FREM2: variants seen among roughly 807,000 people sequenced by gnomAD.
The protein encoded by FREM2 is FRAS1 related extracellular matrix 2, also known as FRAS1-related extracellular matrix protein 2.
FREM2 carries 119 observed loss-of-function variants against 219.9 expected under a neutral mutation model. The ratio of observed to expected loss-of-function variants is 0.54; its 90% CI spans 0.47 to 0.63. The LOEUF (loss-of-function observed/expected upper bound fraction) is 0.63, where lower values mean the gene tolerates loss of function less well. Among genes scored for constraint, FREM2 ranks in the 30% least tolerant of loss-of-function variants. The pLI is 0.00. For synonymous variants in FREM2, 1,562 were observed against 1,522.8 expected (o/e 1.03, Z -0.60); for missense variants, 4,030 against 3,993.6 (o/e 1.01, Z -0.25).
chr13:38,790,308 G>A (rs1056556694), intron 6 of FREM2, among the ~76,000 whole-genome samples: 4 of 152,136 alleles, frequency 2.6e-5, no homozygotes, highest in African/African-American at 9.6e-5. Flanking sequence ...TGTGTGGGCA[G>A]TCAAATGCAA....
intron 6 of FREM2, among the ~76,000 whole-genome samples, chr13:38,787,265 A>G (rs1874367580): frequency 6.6e-6 from 1 of 152,088 alleles, no homozygotes; most frequent in Non-Finnish European, 1.5e-5. Context: ...TTCTTCATTC[A>G]CTCAACCACT....
At chr13:38,789,496 A>AG (rs1442797550) in intron 6 of FREM2, among the ~76,000 whole-genome samples, 2 of 149,138 alleles carry the variant, frequency 1.3e-5, no homozygotes, top group African/African-American at 4.9e-5. Context: ...TTATCTTTCC[A>AG]GAAGTTTGTA....
intron 2 of FREM2, among the ~76,000 whole-genome samples, chr13:38,763,908 G>A (rs1018504227): frequency 2.0e-5 from 3 of 152,206 alleles, no homozygotes; most frequent in Non-Finnish European, 4.4e-5. Flanking sequence ...AGTTGTGTGT[G>A]TGTTTTTTAG....
At position 38,809,109 on chromosome 13, in the gene FREM2, C is replaced by T. The variant is rs375004693; in HGVS notation, c.6019+24301C>T. Among the ~76,000 whole-genome samples, 428 of 151,058 alleles carry T rather than the reference C, an allele frequency of 2.8e-3. 3 individuals are homozygous for T. The highest frequency in any genetic ancestry group is 0.013 in the South Asian group (63 of 4,784). On this transcript the variant is annotated intron_variant, in intron 6 of 23. Transcript: ENST00000280481. ...TAAAATTGTTATTTTTTTTCTTTGA[C>T]GGATTATCTTAAAAGCCTTGTCTTC...
chr13:38,877,847 A>G (rs912486898), intron 21 of FREM2, among the ~76,000 whole-genome samples: 3 of 152,204 alleles, frequency 2.0e-5, no homozygotes, highest in African/African-American at 7.2e-5. Flanking sequence ...GGATATTATT[A>G]ATGCCAAATT....
At position 38,848,599 on chromosome 13, in the gene FREM2, G is replaced by A. The variant is rs955145556; in HGVS notation, c.6308G>A (p.Arg2103His). The change falls in exon 8 of 24, where the codon CGC (arginine) becomes CAC (histidine). Residue 2103 changes from arginine to histidine, a missense_variant. This residue lies in a region of FREM2 where 3,102 missense variants were observed against 2,950.7 expected (regional missense o/e 1.05). Transcript: ENST00000280481. The stretch of plus-strand genomic sequence containing the variant: ...ATTGAGAAATTTGAACTGGTGCTTC[G>A]CATGCCTATGAACGCAGCCCTTGGC... ...EGIEKFELVL[R>H]MPMNAALGEP... is the part of the protein sequence containing the mutation. 17 of 1,614,002 alleles carry A rather than the reference G, an allele frequency of 1.1e-5. No homozygotes were observed. The highest frequency in any genetic ancestry group is 4.0e-5 in the African/African-American group (3 of 75,028).
intron 4 of FREM2, chr13:38,779,292 C>G (rs1196647114): frequency 6.6e-6 from 1 of 151,964 alleles, no homozygotes; most frequent in African/African-American, 2.4e-5. Flanking sequence ...GGCTTAAAAC[C>G]TAGATGACAG....
intron 6 of FREM2, among the ~76,000 whole-genome samples, chr13:38,840,247 G>A (rs142367725): frequency 0.01 from 1,561 of 151,926 alleles, 23 homozygotes; most frequent in African/African-American, 0.034. Context: ...GTGAGGCAAC[G>A]CCCCACCCTG....
chr13:38,698,725 C>T (rs1347575697), intron 2 of FREM2, among the ~76,000 whole-genome samples: 1 of 152,066 alleles, frequency 6.6e-6, no homozygotes, highest in African/African-American at 2.4e-5. Context: ...ACTATTATGT[C>T]GTCTATCTCA....
chr13:38,875,497 A>T (rs1328767964), intron 18 of FREM2, among the ~76,000 whole-genome samples: 2 of 152,230 alleles, frequency 1.3e-5, no homozygotes, highest in African/African-American at 2.4e-5. Context: ...TCTGGTCTAT[A>T]CAGTTTTCTT....
At chr13:38,711,764 A>G (rs1870777761) in intron 2 of FREM2, among the ~76,000 whole-genome samples, 1 of 152,142 alleles carries the variant, frequency 6.6e-6, no homozygotes. Flanking sequence ...CTATGGAAAA[A>G]CTGAAGTGAA....
rs968071971 is a variant in FREM2, at chr13:38,687,782, G to T, written c.438G>T (p.Pro146=). 3 of 1,537,420 alleles carry T rather than the reference G, an allele frequency of 2.0e-6. No individual in the cohort carries two copies. The highest frequency in any genetic ancestry group is 2.6e-6 in the Non-Finnish European group (3 of 1,138,256). ...VRYSHLGARS[P]SRDRVRLQLR... is the part of the protein sequence containing the mutation. Reference sequence around the variant, plus strand: ...ACTCTCACCTGGGCGCGCGCAGCCCGTCTCGGGACCGCGTCCGGCTGCAGC... The same window carrying T: ...ACTCTCACCTGGGCGCGCGCAGCCCTTCTCGGGACCGCGTCCGGCTGCAGC... The change falls in exon 1 of 24, where the codon CCG becomes CCT. Residue 146 remains proline, a synonymous_variant. Coordinates refer to ENST00000280481, the MANE Select transcript of FREM2 (RefSeq NM_207361.6).
chr13:38,805,136 A>G (rs1279646635), intron 6 of FREM2, among the ~76,000 whole-genome samples: 1 of 152,144 alleles, frequency 6.6e-6, no homozygotes, highest in Non-Finnish European at 1.5e-5. Context: ...CTTGAAGCAC[A>G]TTTATTTGAT....
At position 38,859,574 on chromosome 13, in the gene FREM2, C is replaced by T. The variant is rs1877690172; in HGVS notation, c.7503C>T (p.Thr2501=). ...TGGAGCTCATGAGCCCTATTGTAAC[C>T]ATCAGCAGAGAAGAAGGTCAGTCAT... is the stretch of plus-strand genomic sequence containing the variant. ...EGLELMSPIV[T]ISREEGLCQP... The change falls in exon 14 of 24, where the codon ACC becomes ACT. Residue 2501 remains threonine (T), a synonymous_variant. Transcript: ENST00000280481. 1.9e-6 allele frequency: 3 copies of T among 1,613,758 alleles called. No homozygotes were observed. The highest frequency in any genetic ancestry group is 1.3e-5 in the African/African-American group (1 of 74,904).
At chr13:38,716,515 CT>C (rs1037204487) in intron 2 of FREM2, among the ~76,000 whole-genome samples, 30 of 151,160 alleles carry the variant, frequency 2.0e-4, no homozygotes, top group Non-Finnish European at 4.3e-4. Context: ...CTGTTCTTTC[CT>C]TTTTTTTTCT....
intron 17 of FREM2, among the ~76,000 whole-genome samples, 161 bp downstream of exon 17, chr13:38,873,095 CTT>C (rs1265283293): frequency 1.3e-5 from 2 of 152,036 alleles, no homozygotes; most frequent in Non-Finnish European, 2.9e-5. Context: ...TCAAAAAACT[CTT>C]TAAACCATAT....
In FREM2 at chr13:38,764,335, T is replaced by G. The variant is rs1873351058; in HGVS notation, c.5295T>G (p.Arg1765=). 3 of 1,612,184 alleles carry G rather than the reference T, an allele frequency of 1.9e-6. No individual in the cohort carries two copies. Among genetic ancestry groups the G allele is most frequent in the Non-Finnish European group, 2.5e-6 (3 of 1,178,474 alleles). ...ACAAGTTAACGTACCAGAATTTTCG[T>G]CTGAATTGGGCATGGATCTCCTTTG... ...GGNKLTYQNF[R]LNWAWISFEK... The change falls in exon 3 of 24, where the codon CGT becomes CGG. Residue 1765 remains arginine, a synonymous_variant. Coordinates refer to ENST00000280481, the MANE Select transcript of FREM2 (RefSeq NM_207361.6).
intron 2 of FREM2, among the ~76,000 whole-genome samples, chr13:38,745,482 G>T (rs1872427572): frequency 6.6e-6 from 1 of 152,108 alleles, no homozygotes; most frequent in South Asian, 2.1e-4. Flanking sequence ...TAAAGATAAA[G>T]AGCTGCTATT....
chr13:38,872,044 A>C (rs532328934), intron 16 of FREM2, among the ~76,000 whole-genome samples: 1 of 152,346 alleles, frequency 6.6e-6, no homozygotes, highest in Admixed American at 6.5e-5. Flanking sequence ...AACTGGAAAC[A>C]ACCCAAATGG....
Sources: gnomAD v4.1 joint callset for allele counts (sites outside exome capture counted in the v4.1 genomes callset) on GRCh38, gnomAD v4.1.1 for gene constraint, gnomAD v4.1.1 regional missense constraint, MANE v1.5 for transcripts, NCBI Gene and HGNC (gene_info 2026-07-23, HGNC 2026-07-21) for gene names.